The following TJP2 variants were observed in gnomAD, a reference collection of about 807,000 sequenced individuals.
TJP2 encodes tight junction protein 2, also known as Friedreich ataxia region gene X104 (tight junction protein ZO-2).
TJP2 carries 91 observed loss-of-function variants against 133.1 expected under a neutral mutation model. The ratio of observed to expected loss-of-function variants is 0.68; its 90% confidence interval spans 0.58 to 0.81. The LOEUF (loss-of-function observed/expected upper bound fraction) is 0.81. Among genes scored for constraint, TJP2 ranks in the 40% least tolerant of loss-of-function variants. TJP2 has a pLI of 0.00. For missense variants in TJP2, 1,541 were observed against 1,565.6 expected (o/e 0.98, Z 0.26); for synonymous variants, 592 against 583.4 (o/e 1.01, Z -0.21).
chr9:69,227,924 A>G (rs775371422), intron 8 of TJP2, 51 bp downstream of exon 8: 2 of 1,613,408 alleles, frequency 1.2e-6, no homozygotes, highest in East Asian at 2.2e-5. Flanking sequence ...ATGTACACAC[A>G]TATGTATTTA....
At chr9:69,179,689 CG>C (rs1244332059) in intron 1 of TJP2, among the ~76,000 whole-genome samples, 3 of 151,686 alleles carry the variant, frequency 2.0e-5, no homozygotes, top group African/African-American at 7.3e-5. Context: ...TTAGTAGAGA[CG>C]GGGTTTCACC....
chr9:69,157,098 G>C (rs907301409), intron 2 of TJP2, among the ~76,000 whole-genome samples: 2 of 152,170 alleles, frequency 1.3e-5, no homozygotes, highest in African/African-American at 4.8e-5. Context: ...CAGTCTTTCA[G>C]GTTAAATTTT....
chr9:69,216,095 G>C (rs1363568675), intron 2 of TJP2, among the ~76,000 whole-genome samples: 1 of 152,186 alleles, frequency 6.6e-6, no homozygotes, highest in East Asian at 1.9e-4. Context: ...GATAACTCCA[G>C]TCTGCACTAT....
upstream of TJP2, chr9:69,121,427 A>C (rs1180523631): frequency 3.0e-4 from 221 of 729,314 alleles, no homozygotes; most frequent in Non-Finnish European, 3.3e-4. Flanking sequence ...GCCACCGCCC[A>C]ACTCCCCCTG....
At chr9:69,181,246 T>C (rs1461222031) in intron 1 of TJP2, among the ~76,000 whole-genome samples, 38 of 131,402 alleles carry the variant, frequency 2.9e-4, no homozygotes, top group African/African-American at 1.1e-3. Context: ...ATTTCTTTTT[T>C]TTTTTTTTTT....
At position 69,248,155 on chromosome 9, in the gene TJP2, G is replaced by A. The variant is rs953550674; in HGVS notation, c.2811G>A (p.Leu937=). The A allele has an allele frequency of 1.2e-6, 2 of 1,613,636 alleles. No individual in the cohort carries two copies. Among genetic ancestry groups the A allele is most frequent in the Admixed American group, 3.3e-5 (2 of 59,986 alleles). ...GAGGCGCCTACACTGACAATGAGCT[G>A]GATGAGCCAGCCGAGGAGCCGCTGG... is the stretch of plus-strand genomic sequence containing the variant. ...GEGGAYTDNE[L]DEPAEEPLVS... Residue 937 remains leucine (L), a synonymous_variant, in exon 19 of 23, where the codon CTG becomes CTA. Transcript: ENST00000377245.
chr9:69,150,167 C>A (rs1042848125), intron 1 of TJP2, among the ~76,000 whole-genome samples: 8 of 152,036 alleles, frequency 5.3e-5, no homozygotes, highest in Non-Finnish European at 1.2e-4. Flanking sequence ...ACCATAAACA[C>A]AAGCCAGTGT....
intron 2 of TJP2, among the ~76,000 whole-genome samples, chr9:69,161,090 A>G (rs1218738509): frequency 1.3e-5 from 2 of 152,220 alleles, no homozygotes; most frequent in African/African-American, 4.8e-5. Context: ...TGTGGTCACA[A>G]AAACCAAAGT....
chr9:69,133,957 ACTTTCTCTTTTCTCT>A (rs1186179645), intron 1 of TJP2, among the ~76,000 whole-genome samples: 1 of 73,850 alleles, frequency 1.4e-5, no homozygotes, highest in African/African-American at 5.3e-5. Flanking sequence ...CAACTCAAGT[ACTTTCTCTTTTCTCT>A]CTTTCTCTTT....
chr9:69,234,256 C>T (rs12551566), intron 11 of TJP2, among the ~76,000 whole-genome samples, 183 bp from the exon 12 acceptor site: 22 of 151,966 alleles, frequency 1.4e-4, no homozygotes, highest in African/African-American at 3.6e-4. Flanking sequence ...GTGCTGGGCG[C>T]GAGGACTTGA....
At chr9:69,173,804 A>T (rs1159684964), upstream of TJP2, among the ~76,000 whole-genome samples, 2 of 151,852 alleles carry the variant, frequency 1.3e-5, no homozygotes, top group African/African-American at 4.8e-5. Context: ...TGCCCCCGCG[A>T]CCTCACCGGG....
intron 17 of TJP2, among the ~76,000 whole-genome samples, chr9:69,245,437 A>G (rs1830855041): frequency 1.3e-5 from 2 of 152,222 alleles, no homozygotes; most frequent in Non-Finnish European, 2.9e-5. Context: ...ACAATTTGTT[A>G]TTTTGGACTA....
In TJP2 at chr9:69,237,002, G is replaced by A. The variant is rs374930338; in HGVS notation, c.2045G>A (p.Arg682Gln). 15 of 1,614,082 alleles carry A rather than the reference G, an allele frequency of 9.3e-6. No individual in the cohort carries two copies. The highest frequency in any genetic ancestry group is 2.2e-5 in the East Asian group (1 of 44,892). ...GCCCAGAGAGACAACGCTGGGGACC[G>A]GGCAGATTTCTGGAGAATGCGTGGC... ...QNAQRDNAGD[R>Q]ADFWRMRGQR... is the part of the protein sequence containing the mutation. The change falls in exon 14 of 23, where the codon CGG (arginine) becomes CAG (glutamine). Residue 682 changes from arginine to glutamine, a missense_variant. Arg to Gln is a conservative substitution (Grantham distance 43). Transcript: ENST00000377245.
chr9:69,139,018 A>T (rs751862606), intron 1 of TJP2, among the ~76,000 whole-genome samples: 6 of 152,200 alleles, frequency 3.9e-5, no homozygotes, highest in Non-Finnish European at 7.3e-5. Context: ...GTTCGAGACC[A>T]GTCTGGCCAA....
At chr9:69,229,700 C>A (rs77450545) in intron 10 of TJP2, among the ~76,000 whole-genome samples, 8,218 of 152,264 alleles carry the variant, frequency 0.054, 271 homozygotes, top group Middle Eastern at 0.12. Flanking sequence ...TCAAGGGCAG[C>A]AGCCTCCTGG....
At chr9:69,161,376 G>A (rs1397469861) in intron 2 of TJP2, among the ~76,000 whole-genome samples, 3 of 152,170 alleles carry the variant, frequency 2.0e-5, no homozygotes, top group Non-Finnish European at 4.4e-5. Context: ...CTACAGGCAT[G>A]CGCCACCACA....
At chr9:69,162,696 T>C (rs1234467921) in intron 2 of TJP2, among the ~76,000 whole-genome samples, 1 of 152,252 alleles carries the variant, frequency 6.6e-6, no homozygotes, top group African/African-American at 2.4e-5. Flanking sequence ...AGAGCAAATT[T>C]GGTGTATCCC....
At position 69,232,019 on chromosome 9, in the gene TJP2, T is replaced by G. The variant is rs570911243; in HGVS notation, c.1671+1787T>G. ...TCTAAATTTCCGTGAAGAAAAGTAG[T>G]GAATTCACCTAGAGGCTTGGCAGTC... On this transcript the variant is annotated intron_variant, in intron 11 of 22. Transcript: ENST00000377245. Among the ~76,000 whole-genome samples the G allele has an allele frequency of 5.9e-5, 9 of 152,324 alleles. No individual in the cohort carries two copies. In the South Asian group the frequency reaches 1.9e-3, roughly 32 times the overall value.
chr9:69,183,546 A>G (rs1353445710), intron 1 of TJP2, among the ~76,000 whole-genome samples: 1 of 152,112 alleles, frequency 6.6e-6, no homozygotes, highest in East Asian at 1.9e-4. Flanking sequence ...TATTCCATTT[A>G]TATGCATCTG....
Sources: allele counts gnomAD v4.1 joint callset (sites outside exome capture counted in the v4.1 genomes callset), GRCh38; gene constraint gnomAD v4.1.1; transcripts MANE v1.5; gene names NCBI Gene and HGNC (gene_info 2026-07-23, HGNC 2026-07-21).